The following DGKD variants were observed in gnomAD, a reference collection of about 807,000 sequenced individuals.
The protein encoded by DGKD is DAG kinase delta.
Under a neutral mutation model 154.4 loss-of-function variants are expected in DGKD, and 68 were observed. The observed-to-expected ratio is 0.44, with a 90% CI of 0.36 to 0.54. DGKD has a LOEUF of 0.54. DGKD is among the 20% of genes least tolerant of loss of function. The pLI is 0.00. For synonymous variants in DGKD, 693 were observed against 638.0 expected (o/e 1.09, Z -1.30); for missense variants, 1,343 against 1,593.6 (o/e 0.84, Z 2.68).
intron 5 of DGKD, among the ~76,000 whole-genome samples, chr2:233,435,158 A>C (rs528850359): frequency 6.6e-6 from 1 of 152,340 alleles, no homozygotes; most frequent in African/African-American, 2.4e-5. Context: ...TCTAGAGCAC[A>C]CAGAGGGAAA....
intron 1 of DGKD, among the ~76,000 whole-genome samples, chr2:233,387,667 G>A (rs935201659): frequency 3.3e-5 from 5 of 152,090 alleles, no homozygotes; most frequent in Admixed American, 2.6e-4. Flanking sequence ...TCAGCTTTTC[G>A]GGTTGAGAGG....
At chr2:233,408,723 A>G (rs954967113) in intron 3 of DGKD, among the ~76,000 whole-genome samples, 1 of 152,268 alleles carries the variant, frequency 6.6e-6, no homozygotes, top group African/African-American at 2.4e-5. Flanking sequence ...GTAGGTGCTC[A>G]GTGAATGAAA....
chr2:233,461,482 TTCCTGGCGCTGCA>T (rs1322925801), intron 24 of DGKD, among the ~76,000 whole-genome samples: 1 of 152,248 alleles, frequency 6.6e-6, no homozygotes, highest in Non-Finnish European at 1.5e-5. Flanking sequence ...GCTGCAGTCC[TTCCTGGCGCTGCA>T]TTCTCTGCCC....
At chr2:233,455,205 G>A (rs60732790) in intron 19 of DGKD, among the ~76,000 whole-genome samples, 2,009 of 152,302 alleles carry the variant, frequency 0.013, 36 homozygotes, top group African/African-American at 0.046. Flanking sequence ...CACCTATTGC[G>A]TAAGTGCCCA....
chr2:233,445,200 T>C lies in DGKD; in HGVS notation c.1195-423T>C, dbSNP rs1450537835. On this transcript the variant is annotated intron_variant, in intron 10 of 29. Transcript: ENST00000264057. The surrounding 1 kb of genome is among the most constrained non-coding windows in gnomAD (Gnocchi z 5.5). Reference sequence around the variant, plus strand: ...TGTTTTTGGAAGAAGAATTTGGCATTAGTGAGTGAGATGCTGTAGTGGATG... The same window carrying C: ...TGTTTTTGGAAGAAGAATTTGGCATCAGTGAGTGAGATGCTGTAGTGGATG... Among the ~76,000 whole-genome samples the C allele has an allele frequency of 6.6e-6, 1 of 151,888 alleles. No individual in the cohort carries two copies. The highest frequency in any genetic ancestry group is 1.9e-4 in the East Asian group (1 of 5,160).
At chr2:233,386,618 A>G (rs1427421016) in intron 1 of DGKD, among the ~76,000 whole-genome samples, 2 of 152,064 alleles carry the variant, frequency 1.3e-5, no homozygotes, top group Non-Finnish European at 2.9e-5. Context: ...TCGTTGGATA[A>G]TGTTGGGCTC....
chr2:233,364,811 G>A (rs1574978378), intron 1 of DGKD, among the ~76,000 whole-genome samples: 3 of 152,294 alleles, frequency 2.0e-5, no homozygotes, highest in East Asian at 3.9e-4. Flanking sequence ...AAATGCTCCA[G>A]TTAAAATACA....
intron 1 of DGKD, among the ~76,000 whole-genome samples, chr2:233,357,966 T>C (rs1313938374): frequency 6.6e-6 from 1 of 152,212 alleles, no homozygotes; most frequent in Non-Finnish European, 1.5e-5. Flanking sequence ...ATTCTTCAGG[T>C]TATAGATCTT....
intron 3 of DGKD, among the ~76,000 whole-genome samples, chr2:233,433,030 G>C (rs1393480845): frequency 1.3e-5 from 2 of 152,202 alleles, no homozygotes; most frequent in Non-Finnish European, 2.9e-5. Flanking sequence ...AGAACAGTTT[G>C]GAGGTTCCTC....
intron 16 of DGKD, among the ~76,000 whole-genome samples, chr2:233,450,665 G>C (rs945338737): frequency 1.1e-4 from 17 of 152,040 alleles, no homozygotes; most frequent in African/African-American, 3.6e-4. Flanking sequence ...CCCACAGCCC[G>C]GACTGACTGG....
At chr2:233,456,601 G>C (rs1052629543) in intron 19 of DGKD, among the ~76,000 whole-genome samples, 1 of 152,134 alleles carries the variant, frequency 6.6e-6, no homozygotes, top group East Asian at 1.9e-4. Context: ...AAATCAGGAT[G>C]TGTAGAAGTT....
intron 29 of DGKD, among the ~76,000 whole-genome samples, chr2:233,468,961 C>T (rs1434320157): frequency 1.3e-5 from 2 of 152,222 alleles, no homozygotes; most frequent in East Asian, 3.9e-4. Context: ...TGCCAGGCCT[C>T]ACGCCACATC....
intron 3 of DGKD, among the ~76,000 whole-genome samples, chr2:233,397,318 G>A (rs1195024650): frequency 8.7e-6 from 1 of 114,988 alleles, no homozygotes; most frequent in Non-Finnish European, 1.8e-5. Context: ...GGGCCAGAGC[G>A]AGAGGACACC....
chr2:233,436,478 G>T lies in DGKD; in HGVS notation c.819+37G>T, dbSNP rs771401932. The T allele has an allele frequency of 1.3e-5, 20 of 1,598,712 alleles. 1 individual carries two copies. The South Asian group carries it at 2.2e-4, about 18-fold the overall frequency. On this transcript the variant is annotated intron_variant, in intron 7 of 29. Coordinates refer to ENST00000264057, the MANE Select transcript of DGKD (RefSeq NM_152879.3). ...CCCTGCGCCCGGGCTGGAGGGGAGG[G>T]CTTGCTCCCTACCGTGCCCATGCGG...
intron 3 of DGKD, among the ~76,000 whole-genome samples, chr2:233,414,953 TTG>T (rs972016516): frequency 6.6e-6 from 1 of 152,126 alleles, no homozygotes; most frequent in South Asian, 2.1e-4. Context: ...GGCCCATTCT[TTG>T]TGTGTGTGGG....
rs182787615 is a variant in DGKD at position 233,428,837 on chromosome 2, T to G, written c.349-5543T>G. On this transcript the variant is annotated intron_variant, in intron 3 of 29. Coordinates refer to ENST00000264057, the MANE Select transcript of DGKD (RefSeq NM_152879.3). The stretch of plus-strand genomic sequence containing the variant: ...TTCAGATCTGGGTCTCTCTCAGGCT[T>G]CTTCACAACAGAACAGGCACAAATA... Among the ~76,000 whole-genome samples the G allele has an allele frequency of 1.6e-3, 245 of 152,278 alleles. 1 individual carries two copies. Among genetic ancestry groups the G allele is most frequent in the Non-Finnish European group, 2.4e-3 (164 of 68,020 alleles).
intron 3 of DGKD, among the ~76,000 whole-genome samples, chr2:233,431,414 A>G (rs575019020): frequency 4.3e-4 from 65 of 152,362 alleles, no homozygotes; most frequent in African/African-American, 1.5e-3. Context: ...AGCAGTCTAC[A>G]GATTCAATGC....
rs1393767654 is a variant in DGKD at position 233,362,151 on chromosome 2, A to G, written c.156+7477A>G. On this transcript the variant is annotated intron_variant, in intron 1 of 29. Coordinates refer to ENST00000264057, the MANE Select transcript of DGKD (RefSeq NM_152879.3). Reference sequence around the variant, plus strand: ...GCATAGTGATCAAAATTAACTAACCAAAAAAAGAGCAGATTAGACCCAGGC... The same window carrying G: ...GCATAGTGATCAAAATTAACTAACCGAAAAAAGAGCAGATTAGACCCAGGC... Among the ~76,000 whole-genome samples the G allele has an allele frequency of 2.6e-5, 4 of 152,278 alleles. No individual in the cohort carries two copies. In the East Asian group the frequency reaches 7.7e-4, roughly 29 times the overall value.
rs369752765 is a variant in DGKD at position 233,438,322 on chromosome 2, A to G, written c.1028A>G (p.Lys343Arg). 2.0e-5 allele frequency: 33 copies of G among 1,614,086 alleles called. No homozygotes were observed. The highest frequency in any genetic ancestry group is 2.7e-5 in the African/African-American group (2 of 74,920). The part of the protein sequence containing the change: ...NQGVKFLRRF[K>R]QLLNPAQVFD... ...GGTGTGAAGTTCCTCAGAAGATTCA[A>G]ACAGCTACTAAACCCCGCCCAGGTC... The change falls in exon 9 of 30, where the codon AAA (lysine) becomes AGA (arginine). Residue 343 changes from lysine to arginine, a missense_variant. Transcript: ENST00000264057. The surrounding 1 kb of genome is among the most constrained non-coding windows in gnomAD (Gnocchi z 4.1).
Sources: gnomAD v4.1 joint callset for allele counts (sites outside exome capture counted in the v4.1 genomes callset) on GRCh38, gnomAD v4.1.1 for gene constraint, Gnocchi (gnomAD v3.1) non-coding constraint, MANE v1.5 for transcripts, NCBI Gene and HGNC (gene_info 2026-07-23, HGNC 2026-07-21) for gene names.